The following CC2D2B variants were observed in gnomAD, a reference collection of about 807,000 sequenced individuals.
CC2D2B encodes protein CC2D2B.
A neutral mutation model predicts 161.2 loss-of-function variants in CC2D2B; 128 were observed. The ratio of observed to expected loss-of-function variants is 0.79; its 90% CI spans 0.69 to 0.92. The LOEUF is 0.92. Among genes scored for constraint, CC2D2B ranks in the 40% least tolerant of loss-of-function variants. The pLI is 0.00. For missense variants in CC2D2B, 1,173 were observed against 1,375.1 expected (o/e 0.85, Z 2.32); for synonymous variants, 391 against 449.8 (o/e 0.87, Z 1.65).
intron 33 of CC2D2B, among the ~76,000 whole-genome samples, chr10:96,026,151 C>G (rs770632829): frequency 6.6e-6 from 1 of 152,202 alleles, no homozygotes; most frequent in Admixed American, 6.5e-5. Flanking sequence ...TACTTAGTTG[C>G]ACTATAAACT....
chr10:95,991,616 C>T (rs2077959229), intron 21 of CC2D2B, among the ~76,000 whole-genome samples, 155 bp downstream of exon 21: 1 of 151,880 alleles, frequency 6.6e-6, no homozygotes, highest in Non-Finnish European at 1.5e-5. Flanking sequence ...AATATTTGGT[C>T]AATTTAAAGT....
At position 96,032,781 on chromosome 10, in the gene CC2D2B, C is replaced by G. The variant is rs758879399; in HGVS notation, c.*773C>G. The G allele has an allele frequency of 1.3e-5, 6 of 470,108 alleles. No homozygotes were observed. The highest frequency in any genetic ancestry group is 2.2e-5 in the Non-Finnish European group (5 of 226,614). 29.1% of individuals were successfully genotyped at this position (470,108 alleles called of 1,614,324 possible). A position where few individuals can be genotyped will look rare whatever the true frequency, so the allele number is the denominator to read the frequency against. ...GTATTTGGAAGGAACTCCCAGGAAA[C>G]TCTAATTTCTCCCAATTCTGTGAGG... On this transcript the variant is annotated 3_prime_UTR_variant, in exon 35 of 35. Transcript: ENST00000646931.
At chr10:95,995,428 C>T (rs2078193221) in intron 23 of CC2D2B, 63 bp downstream of exon 23, 14 of 802,856 alleles carry the variant, frequency 1.7e-5, no homozygotes, top group Non-Finnish European at 2.2e-5. Context: ...TTACAATTGA[C>T]TCTTAATTCA....
intron 17 of CC2D2B, among the ~76,000 whole-genome samples, chr10:95,977,897 T>C (rs958090723): frequency 4.6e-5 from 7 of 152,186 alleles, no homozygotes; most frequent in Non-Finnish European, 1.0e-4. Flanking sequence ...GAAAGTGGAA[T>C]AAAGGTTACC....
intron 2 of CC2D2B, chr10:95,920,127 A>G (rs1409794788): frequency 6.6e-6 from 1 of 151,924 alleles, no homozygotes; most frequent in African/African-American, 2.4e-5. Flanking sequence ...GGAATCAGAG[A>G]CTTCAGGAGT....
chr10:95,940,055 C>A (rs558915734), intron 9 of CC2D2B, among the ~76,000 whole-genome samples: 1 of 152,210 alleles, frequency 6.6e-6, no homozygotes, highest in African/African-American at 2.4e-5. Flanking sequence ...CTGGGGAGGC[C>A]TCAAGAAACT....
chr10:96,019,170 C>A, intron 30 of CC2D2B, 33 bp from the exon 31 acceptor site: 2 of 1,524,224 alleles, frequency 1.3e-6, no homozygotes, highest in Non-Finnish European at 1.8e-6. Flanking sequence ...TTATTTAAAT[C>A]CACCAAAAAT....
At chr10:95,927,916 C>A (rs769938167) in intron 6 of CC2D2B, among the ~76,000 whole-genome samples, 1 of 152,058 alleles carries the variant, frequency 6.6e-6, no homozygotes, top group Non-Finnish European at 1.5e-5. Flanking sequence ...CCTCACTGGT[C>A]TTTCCCATTT....
At chr10:95,999,190 C>A (rs1225375784) in intron 24 of CC2D2B, among the ~76,000 whole-genome samples, 2 of 152,146 alleles carry the variant, frequency 1.3e-5, no homozygotes, top group Non-Finnish European at 2.9e-5. Context: ...ATAAAATTAG[C>A]CATCATAGTC....
intron 6 of CC2D2B, among the ~76,000 whole-genome samples, chr10:95,935,725 G>A (rs535639152): frequency 9.9e-4 from 151 of 152,072 alleles, no homozygotes; most frequent in South Asian, 1.0e-3. Flanking sequence ...TTCCTTTTCC[G>A]TAAGCTGTGT....
intron 32 of CC2D2B, 34 bp downstream of exon 32, chr10:96,019,858 G>T: frequency 1.3e-6 from 2 of 1,562,264 alleles, no homozygotes; most frequent in Non-Finnish European, 1.7e-6. Flanking sequence ...GTCTGTATGA[G>T]AGTTACCATT....
intron 34 of CC2D2B, among the ~76,000 whole-genome samples, chr10:96,030,411 G>T (rs532194263): frequency 6.6e-5 from 10 of 151,932 alleles, no homozygotes; most frequent in Non-Finnish European, 1.2e-4. Flanking sequence ...GAAAACCTCA[G>T]CCTCCCAAGA....
intron 24 of CC2D2B, chr10:95,999,970 C>T: frequency 1.4e-6 from 1 of 724,302 alleles, no homozygotes; most frequent in Non-Finnish European, 2.2e-6. Flanking sequence ...CACTTATGTG[C>T]TCAATACACA....
At chr10:95,981,165 G>C (rs2077506664) in intron 17 of CC2D2B, among the ~76,000 whole-genome samples, 1 of 152,088 alleles carries the variant, frequency 6.6e-6, no homozygotes, top group Admixed American at 6.5e-5. Context: ...AGGCCAAGGG[G>C]GGCGGATCAC....
chr10:95,962,986 C>T lies in CC2D2B; in HGVS notation c.1250+1017C>T, dbSNP rs537636703. 2.5e-4 allele frequency among the ~76,000 whole-genome samples: 38 copies of T among 152,204 alleles called. No homozygotes were observed. The Middle Eastern group carries it at 0.017, about 68-fold the overall frequency. On this transcript the variant is annotated intron_variant, in intron 12 of 34. Coordinates refer to ENST00000646931, the MANE Select transcript of CC2D2B (RefSeq NM_001349008.3). Reference sequence around the variant, plus strand: ...AACAATGGCTCTGGACCCATATTGCCTGCTCACCACTAACTCTTGTTGCCA... The same window carrying T: ...AACAATGGCTCTGGACCCATATTGCTTGCTCACCACTAACTCTTGTTGCCA...
intron 1 of CC2D2B, among the ~76,000 whole-genome samples, chr10:95,908,703 T>G (rs1330993432): frequency 6.6e-6 from 1 of 151,240 alleles, no homozygotes; most frequent in Non-Finnish European, 1.5e-5. Context: ...AAGGGCCTCC[T>G]GGTTGACTTT....
chr10:96,026,008 T>A (rs1341210440), intron 33 of CC2D2B, among the ~76,000 whole-genome samples: 1 of 152,200 alleles, frequency 6.6e-6, no homozygotes, highest in Non-Finnish European at 1.5e-5. Context: ...TTCATTAGAA[T>A]CGCTTATAGA....
At chr10:95,933,295 A>G (rs1250923695) in intron 6 of CC2D2B, among the ~76,000 whole-genome samples, 2 of 151,912 alleles carry the variant, frequency 1.3e-5, no homozygotes, top group Non-Finnish European at 2.9e-5. Context: ...CTTTTTTTCA[A>G]GGTTCTTAGC....
At chr10:95,929,983 G>A (rs925826911) in intron 6 of CC2D2B, among the ~76,000 whole-genome samples, 2 of 152,126 alleles carry the variant, frequency 1.3e-5, no homozygotes, top group Non-Finnish European at 2.9e-5. Flanking sequence ...AATTACTTTG[G>A]GCAGTATGGC....
Sources: gnomAD v4.1 joint callset for allele counts (sites outside exome capture counted in the v4.1 genomes callset) on GRCh38, gnomAD v4.1.1 for gene constraint, MANE v1.5 for transcripts, NCBI Gene and HGNC (gene_info 2026-07-23, HGNC 2026-07-21) for gene names.